The following NRG3 variants were observed in gnomAD, a reference collection of about 807,000 sequenced individuals.
NRG3 encodes pro-neuregulin-3, membrane-bound isoform.
In NRG3, 31 loss-of-function variants were observed where a neutral mutation model predicts 66.9. The ratio of observed to expected loss-of-function variants is 0.46; its 90% CI spans 0.35 to 0.63. The LOEUF is 0.63. NRG3 is among the 20% of genes least tolerant of loss of function. The pLI is 0.00. For missense variants in NRG3, 910 were observed against 878.9 expected, an observed-to-expected ratio of 1.04 and a Z score of -0.45; for synonymous variants, 393 against 359.4, an observed-to-expected ratio of 1.09 and a Z score of -1.06.
chr10:82,650,943 A>T (rs2051362231), intron 2 of NRG3, among the ~76,000 whole-genome samples: 1 of 152,086 alleles, frequency 6.6e-6, no homozygotes, highest in Non-Finnish European at 1.5e-5. Flanking sequence ...AAGCCCACAC[A>T]TTGGGAAAAA....
chr10:82,636,020 A>G (rs1459646355), intron 2 of NRG3, among the ~76,000 whole-genome samples: 1 of 152,182 alleles, frequency 6.6e-6, no homozygotes, highest in Non-Finnish European at 1.5e-5. Flanking sequence ...AAGGAGTAGT[A>G]GCAACAATGG....
At chr10:82,228,135 G>A (rs1446611578) in intron 1 of NRG3, among the ~76,000 whole-genome samples, 2 of 152,098 alleles carry the variant, frequency 1.3e-5, no homozygotes, top group African/African-American at 2.4e-5. Context: ...AGAGACCTGG[G>A]ACACTTCTAA....
chr10:82,817,325 A>AT (rs1332356067), intron 3 of NRG3, among the ~76,000 whole-genome samples: 26 of 152,326 alleles, frequency 1.7e-4, no homozygotes, highest in African/African-American at 6.3e-4. Flanking sequence ...CCAATATTAA[A>AT]TAAGTTACCG....
At chr10:82,172,953 T>C (rs1042641491) in intron 1 of NRG3, among the ~76,000 whole-genome samples, 2 of 152,102 alleles carry the variant, frequency 1.3e-5, no homozygotes, top group African/African-American at 4.8e-5. Flanking sequence ...TGTATAAAAA[T>C]CAACAGGGAG....
chr10:82,269,988 G>T (rs906822557), intron 1 of NRG3, among the ~76,000 whole-genome samples: 1 of 152,114 alleles, frequency 6.6e-6, no homozygotes, highest in Admixed American at 6.6e-5. Context: ...TCTGTAAAAT[G>T]GGGACGATTA....
chr10:81,943,398 T>A (rs910343851), intron 1 of NRG3, among the ~76,000 whole-genome samples: 5 of 152,164 alleles, frequency 3.3e-5, no homozygotes, highest in African/African-American at 1.2e-4. Context: ...GCATTAAGTT[T>A]TTGGGTTGTA....
At chr10:82,943,041 G>A (rs1301471461) in intron 4 of NRG3, among the ~76,000 whole-genome samples, 2 of 152,140 alleles carry the variant, frequency 1.3e-5, no homozygotes, top group Admixed American at 6.5e-5. Flanking sequence ...TCCAGAGTTA[G>A]CAAGTCACTG....
At chr10:82,912,567 G>C (rs1346192347) in intron 4 of NRG3, among the ~76,000 whole-genome samples, 3 of 152,198 alleles carry the variant, frequency 2.0e-5, no homozygotes, top group Non-Finnish European at 4.4e-5. Flanking sequence ...GTTTCCTAAA[G>C]ACAATATATA....
chr10:82,092,768 G>A (rs1171375147), intron 1 of NRG3, among the ~76,000 whole-genome samples: 1 of 152,132 alleles, frequency 6.6e-6, no homozygotes, highest in Non-Finnish European at 1.5e-5. Flanking sequence ...AAAAGTCAGG[G>A]CATTTTCTTG....
At chr10:82,337,356 G>T (rs925294076) in intron 1 of NRG3, among the ~76,000 whole-genome samples, 1 of 152,156 alleles carries the variant, frequency 6.6e-6, no homozygotes, top group Non-Finnish European at 1.5e-5. Flanking sequence ...TTTTATTAGT[G>T]AATAATATTC....
intron 2 of NRG3, among the ~76,000 whole-genome samples, chr10:82,443,065 C>A (rs1439508027): frequency 6.6e-6 from 1 of 152,016 alleles, no homozygotes; most frequent in Non-Finnish European, 1.5e-5. Flanking sequence ...AGATTTGAAT[C>A]TGATTTTCAG....
intron 1 of NRG3, among the ~76,000 whole-genome samples, chr10:82,279,428 C>T (rs1182807838): frequency 1.3e-5 from 2 of 152,138 alleles, no homozygotes; most frequent in East Asian, 1.9e-4. Context: ...CCAAAATCCA[C>T]ATAGACAATA....
intron 3 of NRG3, among the ~76,000 whole-genome samples, chr10:82,854,463 T>G (rs184642525): frequency 6.6e-6 from 1 of 152,316 alleles, no homozygotes; most frequent in African/African-American, 2.4e-5. Context: ...TTCTTTATTT[T>G]TTGTTGTTTA....
intron 4 of NRG3, among the ~76,000 whole-genome samples, chr10:82,884,108 G>C (rs1446872786): frequency 2.6e-5 from 4 of 151,918 alleles, no homozygotes; most frequent in Admixed American, 6.6e-5. Flanking sequence ...AGAGATATAA[G>C]CAAAATGGGT....
At chr10:81,973,301 G>A (rs2059998589) in intron 1 of NRG3, among the ~76,000 whole-genome samples, 1 of 152,134 alleles carries the variant, frequency 6.6e-6, no homozygotes, top group South Asian at 2.1e-4. Flanking sequence ...TCTTTATCCA[G>A]TCTATCACTG....
In NRG3 at chr10:82,132,525, G is replaced by GATATATATATCATATATATATATCATAT. The variant is rs1317557723; in HGVS notation, c.824-226204_824-226203insCATATATATATATCATATATATATATAT. On this transcript the variant is annotated intron_variant, in intron 1 of 8. Coordinates refer to ENST00000372141, the MANE Select transcript of NRG3 (RefSeq NM_001010848.4). ...TATATCATATATATATGATATATAT[G>GATATATATATCATATATATATATCATAT]ATATATATATGATATATATATATCT... Among the ~76,000 whole-genome samples the GATATATATATCATATATATATATCATAT allele has an allele frequency of 1.5e-3, 80 of 54,754 alleles. 9 individuals carry two copies. Among genetic ancestry groups the GATATATATATCATATATATATATCATAT allele is most frequent in the Middle Eastern group, 0.011 (1 of 92 alleles). 35.9% of individuals were successfully genotyped at this position (54,754 alleles called of 152,430 possible).
chr10:82,316,050 G>T (rs1003605243), intron 1 of NRG3, among the ~76,000 whole-genome samples: 7 of 152,114 alleles, frequency 4.6e-5, no homozygotes, highest in African/African-American at 1.7e-4. Context: ...CTGACCACAA[G>T]CAATGGTGTT....
intron 1 of NRG3, among the ~76,000 whole-genome samples, chr10:82,091,914 C>G (rs59064778): frequency 6.6e-6 from 1 of 152,116 alleles, no homozygotes; most frequent in Non-Finnish European, 1.5e-5. Context: ...TGAGTGTCCC[C>G]TCATGCACCT....
intron 2 of NRG3, among the ~76,000 whole-genome samples, chr10:82,635,787 A>G (rs1042824249): frequency 6.6e-6 from 1 of 151,866 alleles, no homozygotes; most frequent in African/African-American, 2.4e-5. Context: ...AATATGAGAC[A>G]TTGCAAAGGC....
Sources: allele counts gnomAD v4.1 joint callset (sites outside exome capture counted in the v4.1 genomes callset), GRCh38; gene constraint gnomAD v4.1.1; transcripts MANE v1.5; gene names NCBI Gene and HGNC (gene_info 2026-07-23, HGNC 2026-07-21).